Variants in SEPTIN7 observed in about 807,000 individuals in gnomAD.
SEPTIN7 encodes the protein septin-7.
Under a neutral mutation model 63.3 loss-of-function variants are expected in SEPTIN7, and 10 were observed. The ratio of observed to expected loss-of-function variants is 0.16; its 90% confidence interval spans 0.10 to 0.27. SEPTIN7 has a LOEUF of 0.27. Ranked by LOEUF, SEPTIN7 falls within the 10% of genes least tolerant of loss-of-function variation. The pLI is 1.00. For synonymous variants in SEPTIN7, 131 were observed against 165.3 expected, an observed-to-expected ratio of 0.79 and a Z score of 1.59; for missense variants, 310 against 521.0, an observed-to-expected ratio of 0.59 and a Z score of 3.94.
intron 7 of SEPTIN7, among the ~76,000 whole-genome samples, chr7:35,880,196 C>CTCTTT (rs1276925116): frequency 2.5e-5 from 2 of 79,582 alleles, no homozygotes; most frequent in Non-Finnish European, 5.5e-5. Context: ...TTTTTCTTTT[C>CTCTTT]TCTTTTCTTT....
intron 3 of SEPTIN7, among the ~76,000 whole-genome samples, chr7:35,834,796 TAGAA>T (rs1389143330): frequency 6.6e-6 from 1 of 152,160 alleles, no homozygotes; most frequent in Non-Finnish European, 1.5e-5. Context: ...TTGCAAATCA[TAGAA>T]AGCTGAAACC....
intron 1 of SEPTIN7, among the ~76,000 whole-genome samples, chr7:35,821,402 T>C (rs755141300): frequency 3.9e-5 from 6 of 152,362 alleles, no homozygotes; most frequent in Admixed American, 6.5e-5. Context: ...CTAGTCAATA[T>C]ATCATTATCT....
In SEPTIN7 at chr7:35,822,610, C is replaced by T. The variant is rs184097109; in HGVS notation, c.62-8882C>T. 4.7e-4 allele frequency among the ~76,000 whole-genome samples: 71 copies of T among 152,228 alleles called. 2 individuals are homozygous for T. The highest frequency in any genetic ancestry group is 4.4e-3 in the East Asian group (23 of 5,178). On this transcript the variant is annotated intron_variant, in intron 1 of 13. Coordinates refer to ENST00000350320, the MANE Select transcript of SEPTIN7 (RefSeq NM_001788.6). ...ACAGATAAAGCTTCAGTTGCTTGCC[C>T]GCCACTTACCTCCTCTTGTGCGGCC...
chr7:35,847,388 C>G (rs1435408486), intron 3 of SEPTIN7: 1 of 167,988 alleles, frequency 6.0e-6, no homozygotes, highest in East Asian at 1.6e-4. Flanking sequence ...CCCCGGGTAA[C>G]TGGAACACAG....
intron 10 of SEPTIN7, among the ~76,000 whole-genome samples, chr7:35,889,860 G>T (rs1027787601): frequency 3.9e-5 from 6 of 152,088 alleles, no homozygotes; most frequent in African/African-American, 1.2e-4. Flanking sequence ...ACACCTTTGT[G>T]TTTGTCTCCC....
At chr7:35,898,503 A>T (rs537171210) in intron 12 of SEPTIN7, 120 bp downstream of exon 12, 1 of 604,278 alleles carries the variant, frequency 1.7e-6, no homozygotes, top group South Asian at 3.1e-5. Flanking sequence ...TTAATACCCT[A>T]GTGTAACAAA....
At chr7:35,903,618 T>G (rs1788452339) in intron 13 of SEPTIN7, among the ~76,000 whole-genome samples, 1 of 152,230 alleles carries the variant, frequency 6.6e-6, no homozygotes, top group African/African-American at 2.4e-5. Flanking sequence ...ATTATGTTTT[T>G]ACGATAAAAT....
In SEPTIN7 at chr7:35,814,974, CAAAAAAAAAAAAA is replaced by C. The variant is rs56795764; in HGVS notation, c.61+13718_61+13730del. Among the ~76,000 whole-genome samples, 6 of 22,028 alleles carry C rather than the reference CAAAAAAAAAAAAA, an allele frequency of 2.7e-4. No homozygotes were observed. In the East Asian group the frequency reaches 5.6e-3, roughly 20 times the overall value. 14.5% of individuals were successfully genotyped at this position (22,028 alleles called of 152,430 possible). ...TAGGCGACAGAGCGAGACTCCTTCT[CAAAAAAAAAAAAA>C]AAAAAAAAAAAAAGCTGGGATTCTG... On this transcript the variant is annotated intron_variant, in intron 1 of 13. Transcript: ENST00000350320.
chr7:35,871,503 T>C (rs1403840888), intron 4 of SEPTIN7, among the ~76,000 whole-genome samples: 1 of 152,218 alleles, frequency 6.6e-6, no homozygotes, highest in African/African-American at 2.4e-5. Flanking sequence ...CTCATAATAG[T>C]TGATACCCTA....
chr7:35,821,291 G>A (rs1789396005), intron 1 of SEPTIN7, among the ~76,000 whole-genome samples: 1 of 152,182 alleles, frequency 6.6e-6, no homozygotes, highest in Non-Finnish European at 1.5e-5. Flanking sequence ...AACAGTTTGT[G>A]TCAGTTTTCT....
At chr7:35,914,295 G>C in the SEPTIN7 span, among the ~76,000 whole-genome samples, 1 of 152,104 alleles carries the variant, frequency 6.6e-6, no homozygotes, top group African/African-American at 2.4e-5. Context: ...CTCATGGCTA[G>C]GCCATGGCTG....
chr7:35,885,666 G>C (rs1427764640), intron 9 of SEPTIN7, among the ~76,000 whole-genome samples, 162 bp from the exon 10 acceptor site: 1 of 152,078 alleles, frequency 6.6e-6, no homozygotes, highest in African/African-American at 2.4e-5. Flanking sequence ...TCTCTGTCAT[G>C]CCCTCACATT....
intron 2 of SEPTIN7, 99 bp from the exon 3 acceptor site, chr7:35,832,699 A>G (rs780848495): frequency 2.6e-6 from 2 of 761,760 alleles, no homozygotes; most frequent in South Asian, 2.8e-5. Flanking sequence ...TGTGAATAAT[A>G]GTATAATTTT....
the SEPTIN7 span, among the ~76,000 whole-genome samples, chr7:35,914,088 G>C: frequency 6.6e-6 from 1 of 152,132 alleles, no homozygotes; most frequent in African/African-American, 2.4e-5. Flanking sequence ...AAGGAAATAC[G>C]TCTAAGCATA....
At position 35,879,017 on chromosome 7, in the gene SEPTIN7, T is replaced by C. The variant is rs1420551924; in HGVS notation, c.513-806T>C. 2.6e-5 allele frequency among the ~76,000 whole-genome samples: 4 copies of C among 152,190 alleles called. No individual in the cohort carries two copies. In the East Asian group the frequency reaches 7.7e-4, roughly 29 times the overall value. The stretch of plus-strand genomic sequence containing the variant: ...AGGGAATTCTAAAGAATGTACTTCT[T>C]AAGGGACTAGCTTACTAAGAGGATC... On this transcript the variant is annotated intron_variant, in intron 6 of 13. Transcript: ENST00000350320.
rs761650908 is a variant in SEPTIN7, at chr7:35,884,318, A to G, written c.820+331A>G. On this transcript the variant is annotated intron_variant, in intron 9 of 13. Coordinates refer to ENST00000350320, the MANE Select transcript of SEPTIN7 (RefSeq NM_001788.6). Reference sequence around the variant, plus strand: ...GCTGCTCAAAGGAAGCGCTCACTGGAGCATTCTGAATTTTGGATTTTTGGA... The same window carrying G: ...GCTGCTCAAAGGAAGCGCTCACTGGGGCATTCTGAATTTTGGATTTTTGGA... 2.3e-3 allele frequency among the ~76,000 whole-genome samples: 357 copies of G among 152,268 alleles called. 7 individuals carry two copies. Among genetic ancestry groups the G allele is most frequent in the Non-Finnish European group, 5.0e-4 (34 of 68,014 alleles).
intron 3 of SEPTIN7, among the ~76,000 whole-genome samples, chr7:35,850,629 C>T (rs1455153584): frequency 2.6e-5 from 4 of 152,174 alleles, no homozygotes; most frequent in Non-Finnish European, 5.9e-5. Flanking sequence ...TTCAAAGCCT[C>T]ATTGAAATGT....
chr7:35,913,623 C>T, the SEPTIN7 span, among the ~76,000 whole-genome samples: 9 of 150,408 alleles, frequency 6.0e-5, no homozygotes, highest in African/African-American at 2.2e-4. Flanking sequence ...TTTCTCTCAA[C>T]TCCAGTGTCC....
the SEPTIN7 span, among the ~76,000 whole-genome samples, chr7:35,914,039 T>C: frequency 2.6e-5 from 4 of 152,180 alleles, no homozygotes; most frequent in East Asian, 1.9e-4. Flanking sequence ...CAGAATACTA[T>C]GTAGAAAGCG....
Sources: gnomAD v4.1 joint callset for allele counts (sites outside exome capture counted in the v4.1 genomes callset) on GRCh38, gnomAD v4.1.1 for gene constraint, MANE v1.5 for transcripts, NCBI Gene and HGNC (gene_info 2026-07-23, HGNC 2026-07-21) for gene names.